The following EEIG1 variants were observed in gnomAD, a reference collection of about 807,000 sequenced individuals.
The protein encoded by EEIG1 is early estrogen-induced gene 1 protein.
At chr9:127,965,416 G>C in the EEIG1 span, among the ~76,000 whole-genome samples, 1 of 152,192 alleles carries the variant, frequency 6.6e-6, no homozygotes, top group African/African-American at 2.4e-5. Context: ...TTCTGATGCA[G>C]GGAGCTGGGC....
chr9:127,948,023 C>T, the EEIG1 span: 9 of 1,573,434 alleles, frequency 5.7e-6, no homozygotes, highest in East Asian at 2.2e-5. Flanking sequence ...TGGAGGTAAA[C>T]CCCTCGGGCC....
the EEIG1 span, chr9:127,980,500 C>T: frequency 6.4e-6 from 1 of 156,240 alleles, no homozygotes; most frequent in Middle Eastern, 3.1e-3. Context: ...GTCCGGGGAG[C>T]TCACGCCGCG....
the EEIG1 span, chr9:127,947,965 C>A: frequency 1.4e-5 from 18 of 1,310,082 alleles, no homozygotes; most frequent in Non-Finnish European, 1.7e-5. Context: ...ACCCTCCCAC[C>A]ATCACTCTCC....
the EEIG1 span, chr9:127,950,872 C>T: frequency 2.3e-5 from 7 of 307,066 alleles, no homozygotes; most frequent in African/African-American, 8.8e-5. Flanking sequence ...GAAACAAGGC[C>T]GTGCTGTCGG....
At chr9:127,980,130 A>G in the EEIG1 span, 1 of 1,612,518 alleles carries the variant, frequency 6.2e-7, no homozygotes, top group Non-Finnish European at 8.5e-7. Context: ...CTTCATCAAG[A>G]AAGCCATGAG....
the EEIG1 span, chr9:127,945,651 G>A: frequency 6.3e-7 from 1 of 1,586,716 alleles, no homozygotes; most frequent in East Asian, 2.3e-5. This position sits in a 1 kb window ranked among gnomAD's most constrained non-coding sequence, Gnocchi z 6.5. Flanking sequence ...CCACTCACCG[G>A]AGATCTTGGA....
the EEIG1 span, chr9:127,950,290 G>A: frequency 3.8e-3 from 3,212 of 846,152 alleles, 96 homozygotes; most frequent in East Asian, 0.062. Flanking sequence ...TCCAGGGCTC[G>A]CCCCTTCCCG....
the EEIG1 span, among the ~76,000 whole-genome samples, chr9:127,965,106 CAAAAAAAAAAAAAAAAAAAAAAAAAAA>C: frequency 5.7e-5 from 4 of 69,702 alleles, no homozygotes; most frequent in African/African-American, 1.7e-4. Flanking sequence ...AAGACTGTCT[CAAAAAAAAAAAAAAAAAAAAAAAAAAA>C]AAAAAAAAAA....
the EEIG1 span, among the ~76,000 whole-genome samples, chr9:127,958,908 C>T: frequency 5.3e-5 from 8 of 152,146 alleles, no homozygotes; most frequent in Admixed American, 2.6e-4. Context: ...AAGTGGTCAA[C>T]AAGCACACAG....
the EEIG1 span, among the ~76,000 whole-genome samples, chr9:127,977,482 A>C: frequency 6.6e-6 from 1 of 152,262 alleles, no homozygotes; most frequent in East Asian, 1.9e-4. Context: ...TATATTCCTC[A>C]ATGGGATCCA....
At chr9:127,980,400 C>G in the EEIG1 span, 1 of 357,186 alleles carries the variant, frequency 2.8e-6, no homozygotes, top group South Asian at 3.8e-5. Context: ...ATGTAAACAG[C>G]AGGGCATGGC....
chr9:127,955,971 T>C, the EEIG1 span, among the ~76,000 whole-genome samples: 2 of 152,316 alleles, frequency 1.3e-5, no homozygotes, highest in African/African-American at 4.8e-5. Flanking sequence ...CCTGGCCCGG[T>C]GAAGGCTCTG....
chr9:127,942,883 G>A, the EEIG1 span: 2 of 452,214 alleles, frequency 4.4e-6, no homozygotes, highest in Non-Finnish European at 8.2e-6. Context: ...GTCTCCAGCA[G>A]CGCCGGTCCT....
chr9:127,977,307 A>G, the EEIG1 span, among the ~76,000 whole-genome samples: 3 of 152,220 alleles, frequency 2.0e-5, no homozygotes, highest in African/African-American at 7.2e-5. Context: ...AGGAGGAAGA[A>G]GGGAAAACAG....
the EEIG1 span, among the ~76,000 whole-genome samples, chr9:127,947,423 A>C: frequency 2.6e-5 from 4 of 152,190 alleles, no homozygotes; most frequent in Non-Finnish European, 5.9e-5. Flanking sequence ...CGACAGAGCA[A>C]GACTCTGTCT....
At chr9:127,974,617 A>G in the EEIG1 span, among the ~76,000 whole-genome samples, 2 of 152,182 alleles carry the variant, frequency 1.3e-5, no homozygotes, top group Non-Finnish European at 2.9e-5. Flanking sequence ...CTGTCAAATA[A>G]ATGGACAGAC....
the EEIG1 span, chr9:127,944,356 C>T: frequency 3.4e-6 from 2 of 586,482 alleles, no homozygotes; most frequent in African/African-American, 3.7e-5. Flanking sequence ...CTGCACCAGG[C>T]ATTGCTGGAG....
chr9:127,944,673 G>A, the EEIG1 span: 12 of 1,612,714 alleles, frequency 7.4e-6, no homozygotes, highest in Admixed American at 1.7e-5. Flanking sequence ...ACGAACAGCC[G>A]GAGGTTGCTG....
At chr9:127,943,049 G>T in the EEIG1 span, 1 of 743,860 alleles carries the variant, frequency 1.3e-6, no homozygotes. Context: ...ATGATGCTAC[G>T]GGGAGTGTGG....
Sources: gnomAD v4.1 joint callset for allele counts (sites outside exome capture counted in the v4.1 genomes callset) on GRCh38, gnomAD v4.1.1 for gene constraint, Gnocchi (gnomAD v3.1) non-coding constraint, MANE v1.5 for transcripts, NCBI Gene and HGNC (gene_info 2026-07-23, HGNC 2026-07-21) for gene names.